Variants in LAMA3 observed in about 807,000 individuals in gnomAD.
LAMA3 encodes laminin subunit alpha 3, also known as laminin subunit alpha-3.
In LAMA3, 281 loss-of-function variants were observed where a neutral mutation model predicts 402.0. The observed-to-expected ratio is 0.70, with a 90% confidence interval of 0.63 to 0.77. The LOEUF is 0.77. Ranked by LOEUF, LAMA3 falls within the 30% of genes least tolerant of loss-of-function variation. The probability of loss-of-function intolerance (pLI) is 0.00; values close to 1 mark genes in which losing one functional copy is unlikely to be tolerated. For missense variants in LAMA3, 3,840 were observed against 4,215.5 expected (o/e 0.91, Z 2.47); for synonymous variants, 1,431 against 1,558.4 (o/e 0.92, Z 1.93).
At chr18:23,954,415 A>AG in intron 74 of LAMA3, 88 bp from the exon 75 acceptor site, 1 of 1,225,854 alleles carries the variant, frequency 8.2e-7, no homozygotes, top group East Asian at 2.5e-5. Context: ...AAAAAAAAAA[A>AG]AAAAAAAATA....
chr18:23,827,204 G>T (rs2063400060), intron 22 of LAMA3, 110 bp from the exon 23 acceptor site: 3 of 1,139,396 alleles, frequency 2.6e-6, no homozygotes, highest in East Asian at 2.3e-5. Context: ...GAAGGATGAT[G>T]AATGAATGAG....
In LAMA3 at chr18:23,822,350, C is replaced by G. The variant is rs1192408293; in HGVS notation, c.2403C>G (p.Gly801=). The G allele has an allele frequency of 1.2e-6, 2 of 1,613,692 alleles. No individual in the cohort carries two copies. Among genetic ancestry groups the G allele is most frequent in the Admixed American group, 3.3e-5 (2 of 60,018 alleles). The part of the protein sequence containing the change: ...YVNPGTEAVS[G]HITIYPSWGA... Reference sequence around the variant, plus strand: ...ACCCTGGAACTGAAGCAGTATCTGGCCATATAACTATTTATCCATCCTGGG... The same window carrying G: ...ACCCTGGAACTGAAGCAGTATCTGGGCATATAACTATTTATCCATCCTGGG... The change falls in exon 20 of 75, where the codon GGC becomes GGG. Residue 801 remains glycine, a synonymous_variant. Transcript: ENST00000313654.
intron 67 of LAMA3, among the ~76,000 whole-genome samples, chr18:23,934,264 C>T (rs1475753883): frequency 1.3e-5 from 2 of 152,146 alleles, no homozygotes; most frequent in Non-Finnish European, 2.9e-5. Flanking sequence ...ATATAAGGGC[C>T]ATGCTCCTCT....
At chr18:23,715,314 G>C (rs933376188) in intron 2 of LAMA3, among the ~76,000 whole-genome samples, 18 of 150,994 alleles carry the variant, frequency 1.2e-4, no homozygotes, top group Non-Finnish European at 5.9e-5. Flanking sequence ...TGGAAAGAGA[G>C]TGTTTCAAGA....
At chr18:23,924,493 G>A (rs2081943366) in intron 62 of LAMA3, among the ~76,000 whole-genome samples, 1 of 150,940 alleles carries the variant, frequency 6.6e-6, no homozygotes, top group African/African-American at 2.4e-5. Context: ...CTCCAAACAA[G>A]GGACTGCTTC....
intron 24 of LAMA3, 170 bp downstream of exon 24, chr18:23,834,158 G>A: frequency 1.4e-6 from 1 of 729,062 alleles, no homozygotes; most frequent in African/African-American, 1.7e-5. Flanking sequence ...GTGGGTATTG[G>A]GAGTCCTCTC....
At chr18:23,917,719 G>T (rs889145420) in intron 60 of LAMA3, among the ~76,000 whole-genome samples, 1 of 152,150 alleles carries the variant, frequency 6.6e-6, no homozygotes, top group East Asian at 1.9e-4. Context: ...GTTTTTGCTT[G>T]TTAATTATTT....
At chr18:23,928,913 C>A in intron 64 of LAMA3, 148 bp downstream of exon 64, 1 of 784,710 alleles carries the variant, frequency 1.3e-6, no homozygotes, top group Non-Finnish European at 2.2e-6. Flanking sequence ...CAACCATAAA[C>A]GTTATTCCCC....
At chr18:23,788,332 T>A (rs1363425839) in intron 12 of LAMA3, among the ~76,000 whole-genome samples, 2 of 152,002 alleles carry the variant, frequency 1.3e-5, no homozygotes, top group Non-Finnish European at 2.9e-5. Flanking sequence ...TTCTCTATTT[T>A]ACTGGAACTA....
At chr18:23,909,788 T>C (rs1414593699) in intron 55 of LAMA3, among the ~76,000 whole-genome samples, 1 of 152,252 alleles carries the variant, frequency 6.6e-6, no homozygotes, top group Non-Finnish European at 1.5e-5. Flanking sequence ...CTTGAATTAC[T>C]GACACTTGTC....
At chr18:23,701,723 A>G (rs1383129157) in intron 1 of LAMA3, among the ~76,000 whole-genome samples, 1 of 152,196 alleles carries the variant, frequency 6.6e-6, no homozygotes, top group Non-Finnish European at 1.5e-5. Context: ...GAGGATGAAG[A>G]GAAGCGGGTA....
intron 60 of LAMA3, among the ~76,000 whole-genome samples, chr18:23,917,188 A>G (rs774328827): frequency 3.9e-5 from 6 of 152,126 alleles, no homozygotes; most frequent in Non-Finnish European, 5.9e-5. Context: ...TGTTGCTGCA[A>G]AGGACATGAT....
chr18:23,814,935 A>G (rs1171309218), intron 15 of LAMA3, among the ~76,000 whole-genome samples: 1 of 152,216 alleles, frequency 6.6e-6, no homozygotes, highest in Non-Finnish European at 1.5e-5. Context: ...AAATCCCATG[A>G]TGTTGCAGCT....
Position 23,902,936 on chromosome 18 carries a change from T to C in LAMA3, c.6202-73T>C, listed in dbSNP as rs533423726. ...GACTTTGAAATTACGTATATGCTATTGTCCCATAAATTTGTCTATGCCTTC... is the reference window on the plus strand; with the variant it reads ...GACTTTGAAATTACGTATATGCTATCGTCCCATAAATTTGTCTATGCCTTC... On this transcript the variant is annotated intron_variant, in intron 48 of 74. Transcript: ENST00000313654. The C allele has an allele frequency of 2.1e-5, 18 of 841,028 alleles. No individual in the cohort carries two copies. In the South Asian group the frequency reaches 2.3e-4, roughly 11 times the overall value. The allele number at this position is 841,028 out of a possible 1,614,324, so 52.1% of individuals were successfully genotyped here. A position where few individuals can be genotyped will look rare whatever the true frequency, so the allele number is the denominator to read the frequency against.
intron 13 of LAMA3, 52 bp from the exon 14 acceptor site, chr18:23,813,005 A>G: frequency 1.6e-6 from 2 of 1,247,906 alleles, no homozygotes; most frequent in Non-Finnish European, 2.4e-6. Context: ...ACATCAAAAC[A>G]AAGAGAAAAA....
At chr18:23,863,430 G>A (rs1043189026) in intron 35 of LAMA3, among the ~76,000 whole-genome samples, 2 of 152,218 alleles carry the variant, frequency 1.3e-5, no homozygotes, top group Non-Finnish European at 2.9e-5. Context: ...GGGCGACAGA[G>A]CGAGACTCCA....
chr18:23,788,540 C>A (rs1341015602), intron 12 of LAMA3, among the ~76,000 whole-genome samples: 1 of 151,564 alleles, frequency 6.6e-6, no homozygotes, highest in Non-Finnish European at 1.5e-5. Flanking sequence ...TGCAAAAGGG[C>A]CAAGGTAAAT....
At position 23,914,833 on chromosome 18, in the gene LAMA3, T is replaced by A. The variant is rs2081558985; in HGVS notation, c.7617T>A (p.Tyr2539Ter). The change falls in exon 58 of 75, where the codon TAT becomes TAA. Residue 2539 changes from tyrosine to a stop codon, truncating the protein, a stop_gained. Transcript: ENST00000313654. LOFTEE classifies it high-confidence loss of function. ...LNLDPENVVF[Y>*]VGGYPPDFKL... Reference sequence around the variant, plus strand: ...TGGATCCTGAAAATGTTGTATTTTATGTTGGAGGTTACCCACCTGATTTTA... The same window carrying A: ...TGGATCCTGAAAATGTTGTATTTTAAGTTGGAGGTTACCCACCTGATTTTA... 1 of 1,612,886 alleles carries A rather than the reference T, an allele frequency of 6.2e-7. No homozygotes were observed. The highest frequency in any genetic ancestry group is 1.1e-5 in the South Asian group (1 of 91,050).
At chr18:23,700,691 TTTTTC>T (rs1400507347) in intron 1 of LAMA3, among the ~76,000 whole-genome samples, 81 of 151,408 alleles carry the variant, frequency 5.3e-4, no homozygotes, top group Non-Finnish European at 7.4e-4. Context: ...AATGGTAACT[TTTTTC>T]TTTTCTTTTC....
Sources: gnomAD v4.1 joint callset for allele counts (sites outside exome capture counted in the v4.1 genomes callset) on GRCh38, gnomAD v4.1.1 for gene constraint, MANE v1.5 for transcripts, NCBI Gene and HGNC (gene_info 2026-07-23, HGNC 2026-07-21) for gene names.